Variants in ARSJ observed in about 807,000 individuals in gnomAD.
ARSJ encodes arylsulfatase family member J, also known as arylsulfatase J.
A neutral mutation model predicts 35.9 loss-of-function variants in ARSJ; 26 were observed. The observed-to-expected ratio is 0.72, with a 90% CI of 0.53 to 1.00. The LOEUF is 1.00. ARSJ is among the 50% of genes least tolerant of loss of function. The pLI is 0.00. For synonymous variants in ARSJ, 294 were observed against 267.6 expected (o/e 1.10, Z -0.96); for missense variants, 667 against 723.6 (o/e 0.92, Z 0.90).
chr4:113,977,886 G>T (rs12498542), intron 1 of ARSJ, among the ~76,000 whole-genome samples: 1 of 151,934 alleles, frequency 6.6e-6, no homozygotes, highest in East Asian at 1.9e-4. Context: ...ATTAAATATG[G>T]CCTTCATTAG....
chr4:113,935,277 C>A (rs1189737794), intron 1 of ARSJ, among the ~76,000 whole-genome samples: 1 of 151,776 alleles, frequency 6.6e-6, no homozygotes. Flanking sequence ...GATTCTGTAA[C>A]CTACAAAAAG....
chr4:113,904,087 T>G (rs1233008741), intron 1 of ARSJ, among the ~76,000 whole-genome samples: 12 of 5,092 alleles, frequency 2.4e-3, no homozygotes, highest in African/African-American at 0.022. Context: ...CATGCCCAGA[T>G]TTTTTTTTTT....
Position 113,901,638 on chromosome 4 carries a change from T to A in ARSJ, c.*636A>T, listed in dbSNP as rs2099667095. ...TCAAACATTCTTATTTGCCATTCCC[T>A]CACGCATGGTAAAATGAGGTGCAAG... is the stretch of plus-strand genomic sequence containing the variant. On this transcript the variant is annotated 3_prime_UTR_variant, in exon 2 of 2. Coordinates refer to ENST00000315366, the MANE Select transcript of ARSJ (RefSeq NM_024590.4). 6.6e-6 allele frequency: 1 copy of A among 152,548 alleles called. No homozygotes were observed. Among genetic ancestry groups the A allele is most frequent in the Non-Finnish European group, 1.5e-5 (1 of 68,022 alleles). The allele number at this position is 152,548 out of a possible 1,614,324, so 9.4% of individuals were successfully genotyped here. A position where few individuals can be genotyped will look rare whatever the true frequency, so the allele number is the denominator to read the frequency against.
At chr4:113,972,876 A>G (rs968667316) in intron 1 of ARSJ, among the ~76,000 whole-genome samples, 2 of 152,158 alleles carry the variant, frequency 1.3e-5, no homozygotes, top group Admixed American at 6.5e-5. Context: ...TGGAGCAGGT[A>G]TGGGTGCTCT....
Position 113,972,824 on chromosome 4 carries a change from T to C in ARSJ, c.398+5613A>G, listed in dbSNP as rs540567706. Among the ~76,000 whole-genome samples, 135 of 152,304 alleles carry C rather than the reference T, an allele frequency of 8.9e-4. 1 individual carries two copies. The highest frequency in any genetic ancestry group is 2.9e-3 in the African/African-American group (122 of 41,578). On this transcript the variant is annotated intron_variant, in intron 1 of 1. Coordinates refer to ENST00000315366, the MANE Select transcript of ARSJ (RefSeq NM_024590.4). ...TGGCTGTCCCTGCCATATTTTCAAG[T>C]TGGGGCCGGGCTTTTACTCACATCC...
At chr4:113,939,280 T>C (rs989812960) in intron 1 of ARSJ, among the ~76,000 whole-genome samples, 2 of 136,592 alleles carry the variant, frequency 1.5e-5, no homozygotes, top group Non-Finnish European at 3.2e-5. Flanking sequence ...CATGTGTATA[T>C]GTGCCACATT....
intron 1 of ARSJ, among the ~76,000 whole-genome samples, chr4:113,948,575 G>T (rs535027730): frequency 7.7e-5 from 7 of 91,382 alleles, no homozygotes; most frequent in African/African-American, 2.7e-4. Context: ...CTATATTCTA[G>T]AATTTTTTTT....
At chr4:113,958,649 A>T (rs960844047) in intron 1 of ARSJ, among the ~76,000 whole-genome samples, 1 of 152,074 alleles carries the variant, frequency 6.6e-6, no homozygotes, top group Non-Finnish European at 1.5e-5. Flanking sequence ...AAATAGATAC[A>T]TAACAGAGCT....
At chr4:113,946,907 A>C (rs926323209) in intron 1 of ARSJ, among the ~76,000 whole-genome samples, 2 of 152,052 alleles carry the variant, frequency 1.3e-5, no homozygotes, top group Non-Finnish European at 2.9e-5. Context: ...AAAAATGTTA[A>C]GGGTATTTTA....
In ARSJ at chr4:113,903,596, GGGTGGC is replaced by G. The variant is rs2099667824; in HGVS notation, c.472_477del (p.Ala158_Thr159del). The G allele has an allele frequency of 1.9e-6, 3 of 1,614,078 alleles. No individual in the cohort carries two copies. In the South Asian group the frequency reaches 3.3e-5, roughly 18 times the overall value. On this transcript the variant is annotated inframe_deletion, in exon 2 of 2. Transcript: ENST00000315366. ...CCAACCTCCTTCAGTTTCTGAGGTAGGGTGGCATTGTCCAGAGGTAAACAGTTGGGT... is the reference window on the plus strand; with the variant it reads ...CCAACCTCCTTCAGTTTCTGAGGTAGATTGTCCAGAGGTAAACAGTTGGGT...
At chr4:113,955,004 CTTTT>C (rs771948398) in intron 1 of ARSJ, among the ~76,000 whole-genome samples, 1 of 138,214 alleles carries the variant, frequency 7.2e-6, no homozygotes, top group Non-Finnish European at 1.6e-5. Context: ...TTTTTCTTTT[CTTTT>C]TTTTTTTTTT....
intron 1 of ARSJ, 67 bp from the exon 2 acceptor site, chr4:113,903,742 T>A: frequency 6.7e-7 from 1 of 1,492,136 alleles, no homozygotes; most frequent in Non-Finnish European, 9.0e-7. Flanking sequence ...AAAACAATGA[T>A]CCCTAAATTA....
intron 1 of ARSJ, chr4:113,944,043 G>T (rs1024384271): frequency 6.6e-6 from 1 of 152,032 alleles, no homozygotes; most frequent in African/African-American, 2.4e-5. Flanking sequence ...ATAGAGAATG[G>T]AATTTTGGTA....
At chr4:113,957,759 G>A (rs763544823) in intron 1 of ARSJ, among the ~76,000 whole-genome samples, 2 of 152,020 alleles carry the variant, frequency 1.3e-5, no homozygotes, top group Non-Finnish European at 2.9e-5. Flanking sequence ...GCTTATGTAG[G>A]AACAAACTTA....
intron 1 of ARSJ, among the ~76,000 whole-genome samples, chr4:113,906,310 G>A (rs2099668724): frequency 6.6e-6 from 1 of 152,052 alleles, no homozygotes; most frequent in South Asian, 2.1e-4. Flanking sequence ...TATTGGCAAA[G>A]GCAACAGGAA....
chr4:113,918,754 A>G (rs1321971369), intron 1 of ARSJ, among the ~76,000 whole-genome samples: 1 of 152,122 alleles, frequency 6.6e-6, no homozygotes, highest in Admixed American at 6.6e-5. Flanking sequence ...AAATTCCAAT[A>G]CTGAATCCAT....
chr4:113,946,233 A>C (rs1000550309), intron 1 of ARSJ: 6 of 152,024 alleles, frequency 3.9e-5, no homozygotes, highest in African/African-American at 1.4e-4. Context: ...AACTGTCGAC[A>C]CTAGGGGCTG....
intron 1 of ARSJ, among the ~76,000 whole-genome samples, chr4:113,909,082 T>C (rs771418840): frequency 1.1e-4 from 16 of 151,848 alleles, no homozygotes; most frequent in Non-Finnish European, 2.1e-4. Flanking sequence ...ATGGATGAAA[T>C]GTATATTTAG....
rs1239698086 is a variant in ARSJ, at chr4:113,903,216, G to A, written c.858C>T (p.Ile286=). Residue 286 remains isoleucine (I), a synonymous_variant, in exon 2 of 2, where the codon ATC becomes ATT. Transcript: ENST00000315366. The part of the protein sequence containing the change: ...GRYFEHYRSI[I]NINRRRYAAM... ...CAGCATATCTCCTCCTGTTTATGTT[G>A]ATAATGGATCGGTAGTGTTCGAAAT... 3 of 1,614,088 alleles carry A rather than the reference G, an allele frequency of 1.9e-6. No individual in the cohort carries two copies. Among genetic ancestry groups the A allele is most frequent in the Admixed American group, 3.3e-5 (2 of 60,008 alleles).
Sources: allele counts gnomAD v4.1 joint callset (sites outside exome capture counted in the v4.1 genomes callset), GRCh38; gene constraint gnomAD v4.1.1; transcripts MANE v1.5; gene names NCBI Gene and HGNC (gene_info 2026-07-23, HGNC 2026-07-21).